KCNIP1: variants seen among roughly 807,000 people sequenced by gnomAD.
KCNIP1 encodes potassium voltage-gated channel interacting protein 1.
A neutral mutation model predicts 33.0 loss-of-function variants in KCNIP1; 18 were observed. The ratio of observed to expected loss-of-function variants is 0.55; its 90% CI spans 0.38 to 0.81. The LOEUF (loss-of-function observed/expected upper bound fraction) is 0.81, where lower values mean the gene tolerates loss of function less well. Ranked by LOEUF, KCNIP1 falls within the 30% of genes least tolerant of loss-of-function variation. The pLI is 0.00. For synonymous variants in KCNIP1, 93 were observed against 98.3 expected (o/e 0.95, Z 0.32); for missense variants, 238 against 271.6 (o/e 0.88, Z 0.87).
chr5:170,541,291 C>A (rs1756201991), intron 1 of KCNIP1, among the ~76,000 whole-genome samples: 1 of 152,170 alleles, frequency 6.6e-6, no homozygotes, highest in African/African-American at 2.4e-5. Context: ...TTGTGCCAGG[C>A]CTGAAGCATT....
chr5:170,639,382 A>G (rs909320089), intron 1 of KCNIP1: 7 of 152,214 alleles, frequency 4.6e-5, no homozygotes, highest in African/African-American at 1.4e-4. Context: ...AAATGGGCAT[A>G]TTACATTTAA....
At chr5:170,356,581 C>T (rs569222371) in intron 1 of KCNIP1, among the ~76,000 whole-genome samples, 13 of 152,348 alleles carry the variant, frequency 8.5e-5, no homozygotes, top group Middle Eastern at 3.4e-3. Context: ...AACTTTCCTT[C>T]CTATCCCTGA....
At chr5:170,540,039 G>T (rs375124723) in intron 1 of KCNIP1, among the ~76,000 whole-genome samples, 2 of 152,114 alleles carry the variant, frequency 1.3e-5, no homozygotes, top group East Asian at 3.9e-4. Context: ...GGGTCTCAGC[G>T]GCTCCACTTG....
At chr5:170,574,845 C>T (rs1433877660) in intron 1 of KCNIP1, among the ~76,000 whole-genome samples, 1 of 152,188 alleles carries the variant, frequency 6.6e-6, no homozygotes, top group African/African-American at 2.4e-5. Flanking sequence ...TGGGAGGAAA[C>T]TGGAGTCCCT....
chr5:170,497,770 C>T (rs759694280), intron 1 of KCNIP1, among the ~76,000 whole-genome samples: 28 of 152,218 alleles, frequency 1.8e-4, no homozygotes, highest in Non-Finnish European at 3.4e-4. Context: ...CCCCTGCCCC[C>T]GCCTCACCAC....
intron 5 of KCNIP1, among the ~76,000 whole-genome samples, chr5:170,724,147 A>G (rs149145001): frequency 8.7e-4 from 133 of 152,374 alleles, no homozygotes; most frequent in African/African-American, 3.1e-3. Flanking sequence ...GAGAAATTAT[A>G]TTCACAGTTA....
intron 1 of KCNIP1, among the ~76,000 whole-genome samples, chr5:170,535,888 G>T (rs1271478589): frequency 6.6e-6 from 1 of 152,160 alleles, no homozygotes; most frequent in Non-Finnish European, 1.5e-5. Context: ...GCCTGTCTCA[G>T]CCAGAACATC....
chr5:170,417,171 C>A (rs1441082340), intron 1 of KCNIP1, among the ~76,000 whole-genome samples: 1 of 152,084 alleles, frequency 6.6e-6, no homozygotes, highest in Non-Finnish European at 1.5e-5. Flanking sequence ...TTGTATGTAC[C>A]AACATAAAAA....
chr5:170,513,857 A>G lies in KCNIP1; in HGVS notation c.61+9224A>G, dbSNP rs1028874464. ...GGAATGAAAGTCAAATGCCTTTTCCAGGGGGTCTAGTAGGACCTCTCTGTT... is the reference window on the plus strand; with the variant it reads ...GGAATGAAAGTCAAATGCCTTTTCCGGGGGGTCTAGTAGGACCTCTCTGTT... On this transcript the variant is annotated intron_variant, in intron 1 of 7. Transcript: ENST00000328939. Among the ~76,000 whole-genome samples the G allele has an allele frequency of 3.9e-5, 6 of 152,230 alleles. No homozygotes were observed. In the East Asian group the frequency reaches 1.2e-3, roughly 29 times the overall value.
At chr5:170,601,191 TA>T (rs1320642521) in intron 1 of KCNIP1, among the ~76,000 whole-genome samples, 1 of 152,266 alleles carries the variant, frequency 6.6e-6, no homozygotes. Flanking sequence ...CAGTGCCTTT[TA>T]AATACACCAG....
chr5:170,491,483 A>G (rs1757205418), intron 1 of KCNIP1, among the ~76,000 whole-genome samples: 1 of 152,048 alleles, frequency 6.6e-6, no homozygotes, highest in Non-Finnish European at 1.5e-5. Flanking sequence ...TCCAGTGCTC[A>G]TATTTCCTCC....
At chr5:170,559,416 T>TTGTTTTGAA (rs1308477154) in intron 1 of KCNIP1, among the ~76,000 whole-genome samples, 40 of 152,308 alleles carry the variant, frequency 2.6e-4, no homozygotes, top group African/African-American at 9.1e-4. Context: ...CATGCCCAGT[T>TTGTTTTGAA]CTTCAAACTT....
At chr5:170,491,609 A>C (rs1026677341) in intron 1 of KCNIP1, among the ~76,000 whole-genome samples, 19 of 152,202 alleles carry the variant, frequency 1.2e-4, no homozygotes, top group Non-Finnish European at 2.1e-4. Context: ...GCTTCATGTG[A>C]TATTACGTCA....
intron 1 of KCNIP1, among the ~76,000 whole-genome samples, chr5:170,705,420 G>A (rs2194162): frequency 0.21 from 31,543 of 152,126 alleles, 4,674 homozygotes; most frequent in East Asian, 0.81. Context: ...TCAGCTAAGA[G>A]ATGGCCCGTA....
chr5:170,708,450 T>C (rs1297828584), intron 1 of KCNIP1, among the ~76,000 whole-genome samples: 3 of 152,244 alleles, frequency 2.0e-5, no homozygotes, highest in Admixed American at 2.0e-4. Flanking sequence ...CTGTAAATTA[T>C]TTGCAGCTCA....
At position 170,508,794 on chromosome 5, in the gene KCNIP1, C is replaced by T. The variant is rs932545513; in HGVS notation, c.61+4161C>T. On this transcript the variant is annotated intron_variant, in intron 1 of 7. Coordinates refer to ENST00000328939, the MANE Select transcript of KCNIP1 (RefSeq NM_014592.4). ...AATTTCCATATTCAGGAAGCCTTCTCCAAGCCCCAGAGAGAAGTGATTTCT... is the reference window on the plus strand; with the variant it reads ...AATTTCCATATTCAGGAAGCCTTCTTCAAGCCCCAGAGAGAAGTGATTTCT... 2.2e-4 allele frequency among the ~76,000 whole-genome samples: 33 copies of T among 152,292 alleles called. 1 individual carries two copies. The highest frequency in any genetic ancestry group is 7.7e-4 in the African/African-American group (32 of 41,556).
intron 1 of KCNIP1, among the ~76,000 whole-genome samples, chr5:170,541,626 A>G (rs112111344): frequency 0.03 from 4,546 of 152,316 alleles, 102 homozygotes; most frequent in Non-Finnish European, 0.044. Flanking sequence ...TGGCAGAACC[A>G]CAAAGCAAAC....
chr5:170,600,520 C>T (rs1758650749), intron 1 of KCNIP1, among the ~76,000 whole-genome samples: 1 of 152,130 alleles, frequency 6.6e-6, no homozygotes, highest in South Asian at 2.1e-4. Context: ...CCAGGTAGCA[C>T]CCCATCCTCT....
At chr5:170,365,723 G>A (rs1763642961) in intron 1 of KCNIP1, among the ~76,000 whole-genome samples, 2 of 152,204 alleles carry the variant, frequency 1.3e-5, no homozygotes, top group South Asian at 4.1e-4. Flanking sequence ...GAGTTCACTG[G>A]ATGCTGAATC....
Sources: allele counts gnomAD v4.1 joint callset (sites outside exome capture counted in the v4.1 genomes callset), GRCh38; gene constraint gnomAD v4.1.1; transcripts MANE v1.5; gene names NCBI Gene and HGNC (gene_info 2026-07-23, HGNC 2026-07-21).